EPHA7: variants seen among roughly 807,000 people sequenced by gnomAD.
The protein encoded by EPHA7 is EPH receptor A7, also known as ephrin type-A receptor 7.
EPHA7 carries 25 observed loss-of-function variants against 112.6 expected under a neutral mutation model. The observed-to-expected ratio is 0.22, with a 90% CI of 0.16 to 0.31. EPHA7 has a LOEUF of 0.31. EPHA7 is among the 10% of genes least tolerant of loss of function. The pLI is 1.00. For synonymous variants in EPHA7, 437 were observed against 406.5 expected, an observed-to-expected ratio of 1.07 and a Z score of -0.90; for missense variants, 962 against 1,212.6, an observed-to-expected ratio of 0.79 and a Z score of 3.07.
At chr6:93,318,544 A>G (rs1013871311) in intron 5 of EPHA7, among the ~76,000 whole-genome samples, 1 of 152,130 alleles carries the variant, frequency 6.6e-6, no homozygotes, top group African/African-American at 2.4e-5. Context: ...AATGACCTTA[A>G]TCTTAAAATT....
intron 5 of EPHA7, among the ~76,000 whole-genome samples, chr6:93,317,430 T>C (rs1239214067): frequency 6.6e-6 from 1 of 152,154 alleles, no homozygotes; most frequent in East Asian, 1.9e-4. Context: ...CACACTTCTA[T>C]AGGACCCAGT....
intron 3 of EPHA7, among the ~76,000 whole-genome samples, chr6:93,372,360 G>C (rs1776844079): frequency 6.6e-6 from 1 of 152,018 alleles, no homozygotes; most frequent in African/African-American, 2.4e-5. Flanking sequence ...CCTTATAAGA[G>C]TATGACTATT....
intron 2 of EPHA7, among the ~76,000 whole-genome samples, chr6:93,412,911 C>A (rs1411017182): frequency 6.6e-6 from 1 of 151,988 alleles, no homozygotes; most frequent in Non-Finnish European, 1.5e-5. Context: ...ATCAATTTTA[C>A]TACCCTTGAA....
intron 9 of EPHA7, 123 bp downstream of exon 9, chr6:93,263,737 A>G: frequency 1.7e-6 from 1 of 600,598 alleles, no homozygotes; most frequent in South Asian, 2.9e-5. Context: ...CTTTAAAGCA[A>G]CATTTTGAGC....
At chr6:93,395,451 T>C (rs1174026865) in intron 3 of EPHA7, among the ~76,000 whole-genome samples, 1 of 151,838 alleles carries the variant, frequency 6.6e-6, no homozygotes, top group Non-Finnish European at 1.5e-5. Context: ...GCTCTGCATG[T>C]AAAATGTCAT....
At chr6:93,361,864 C>T (rs990568762) in intron 3 of EPHA7, among the ~76,000 whole-genome samples, 2 of 151,784 alleles carry the variant, frequency 1.3e-5, no homozygotes, top group Non-Finnish European at 2.9e-5. Flanking sequence ...TAGTATGTAC[C>T]CTATGGATAA....
At chr6:93,387,920 T>TAGACAGAC (rs59997610) in intron 3 of EPHA7, among the ~76,000 whole-genome samples, 13,223 of 127,400 alleles carry the variant, frequency 0.1, 698 homozygotes, top group South Asian at 0.13. Context: ...CTTAGATAGA[T>TAGACAGAC]AGACAGATAG....
intron 5 of EPHA7, among the ~76,000 whole-genome samples, chr6:93,290,909 T>A (rs1323910590): frequency 2.0e-4 from 31 of 152,084 alleles, no homozygotes; most frequent in Admixed American, 2.0e-3. Context: ...CTGCATTTCA[T>A]CATCATCATC....
intron 3 of EPHA7, among the ~76,000 whole-genome samples, chr6:93,358,754 A>G (rs891557310): frequency 2.6e-5 from 4 of 152,196 alleles, no homozygotes; most frequent in Non-Finnish European, 5.9e-5. Flanking sequence ...TTTCAACATA[A>G]TTAACTGTTT....
intron 3 of EPHA7, among the ~76,000 whole-genome samples, chr6:93,359,722 G>C (rs925664477): frequency 2.0e-5 from 3 of 151,824 alleles, no homozygotes; most frequent in Non-Finnish European, 4.4e-5. Flanking sequence ...TGATATATTT[G>C]GGAGCTCAAA....
chr6:93,328,093 C>A (rs1774410278), intron 5 of EPHA7, among the ~76,000 whole-genome samples: 1 of 151,426 alleles, frequency 6.6e-6, no homozygotes, highest in South Asian at 2.1e-4. Flanking sequence ...GGGACCTGCA[C>A]AGGCTGTTCT....
intron 5 of EPHA7, among the ~76,000 whole-genome samples, chr6:93,323,172 T>C (rs1774161311): frequency 6.6e-6 from 1 of 151,624 alleles, no homozygotes; most frequent in Non-Finnish European, 1.5e-5. Flanking sequence ...TATTCGTCTC[T>C]TTATGAAAGA....
intron 5 of EPHA7, among the ~76,000 whole-genome samples, chr6:93,339,020 G>T: frequency 6.7e-6 from 1 of 149,994 alleles, no homozygotes; most frequent in East Asian, 1.9e-4. Flanking sequence ...TAATACCGTA[G>T]GATACCAACA....
chr6:93,258,689 A>G (rs147392996), intron 10 of EPHA7, among the ~76,000 whole-genome samples: 2,551 of 148,408 alleles, frequency 0.017, 36 homozygotes, highest in Non-Finnish European at 0.027. Flanking sequence ...TATATATATT[A>G]TATTAGTATA....
At position 93,411,117 on chromosome 6, in the gene EPHA7, C is replaced by T; in HGVS notation, c.216G>A (p.Gln72=). ...DENYTPIRTY[Q]VCQVMEPNQN... ...GGTTGGGCTCCATGACTTGGCACAC[C>T]TGGTATGTTCGTATCGGGGTATAGT... is the stretch of plus-strand genomic sequence containing the variant. The change falls in exon 3 of 17, where the codon CAG becomes CAA. Residue 72 remains glutamine, a synonymous_variant. Transcript: ENST00000369303. 2 of 1,613,792 alleles carry T rather than the reference C, an allele frequency of 1.2e-6. No individual in the cohort carries two copies. Among genetic ancestry groups the T allele is most frequent in the Non-Finnish European group, 1.7e-6 (2 of 1,179,948 alleles).
intron 3 of EPHA7, among the ~76,000 whole-genome samples, chr6:93,371,162 T>C (rs1027943445): frequency 1.3e-4 from 20 of 148,788 alleles, no homozygotes; most frequent in Non-Finnish European, 2.4e-4. Context: ...AGACTCTGTC[T>C]CAAAAAGAAA....
intron 5 of EPHA7, among the ~76,000 whole-genome samples, chr6:93,334,083 A>G (rs1774737082): frequency 6.6e-6 from 1 of 151,956 alleles, no homozygotes; most frequent in Admixed American, 6.6e-5. Flanking sequence ...GACAGAATAG[A>G]GAGCCCAGAA....
At chr6:93,243,680 C>A (rs530810608) in intron 16 of EPHA7, 140 bp from the exon 17 acceptor site, 50 of 607,356 alleles carry the variant, frequency 8.2e-5, no homozygotes, top group South Asian at 7.7e-4. Flanking sequence ...TATGATCACA[C>A]CCCTGCAGCA....
chr6:93,307,039 T>C (rs541341890), intron 5 of EPHA7, among the ~76,000 whole-genome samples: 19 of 152,068 alleles, frequency 1.2e-4, no homozygotes, highest in African/African-American at 4.6e-4. Context: ...AAAAGAAGTA[T>C]AATTATAATA....
Sources: gnomAD v4.1 joint callset for allele counts (sites outside exome capture counted in the v4.1 genomes callset) on GRCh38, gnomAD v4.1.1 for gene constraint, MANE v1.5 for transcripts, NCBI Gene and HGNC (gene_info 2026-07-23, HGNC 2026-07-21) for gene names.